The following STRN3 variants were observed in gnomAD, a reference collection of about 807,000 sequenced individuals.
STRN3 encodes striatin 3.
STRN3 carries 29 observed loss-of-function variants against 95.6 expected under a neutral mutation model. That is an observed-to-expected ratio of 0.30 (90% CI 0.23 to 0.41). The LOEUF is 0.41. STRN3 is among the 10% of genes least tolerant of loss of function. The pLI is 1.00. For missense variants in STRN3, 890 were observed against 972.1 expected (o/e 0.92, Z 1.12); for synonymous variants, 331 against 357.6 (o/e 0.93, Z 0.84).
chr14:30,898,486 A>G (rs1368814155), intron 16 of STRN3, among the ~76,000 whole-genome samples: 3 of 152,196 alleles, frequency 2.0e-5, no homozygotes, highest in Non-Finnish European at 2.9e-5. Flanking sequence ...TCTTAAGTCA[A>G]TTGAGAGTTA....
chr14:30,912,212 T>C (rs1401785192), intron 10 of STRN3, 30 bp from the exon 11 acceptor site: 3 of 1,597,374 alleles, frequency 1.9e-6, no homozygotes, highest in East Asian at 2.2e-5. Flanking sequence ...TATTTAGTGG[T>C]AAAAGTAGTA....
chr14:30,987,974 G>C (rs1485394789), intron 1 of STRN3, among the ~76,000 whole-genome samples: 9 of 152,124 alleles, frequency 5.9e-5, no homozygotes, highest in Non-Finnish European at 1.5e-5. Flanking sequence ...CTGACCTTGT[G>C]AATCGCCCGC....
chr14:30,964,050 G>C (rs948233687), intron 1 of STRN3, among the ~76,000 whole-genome samples: 2 of 152,080 alleles, frequency 1.3e-5, no homozygotes, highest in Admixed American at 1.3e-4. Context: ...TCAGGAGTTC[G>C]AGATCAACCT....
chr14:31,010,252 T>G (rs1882908349), intron 1 of STRN3, among the ~76,000 whole-genome samples: 1 of 152,156 alleles, frequency 6.6e-6, no homozygotes, highest in Non-Finnish European at 1.5e-5. Context: ...TATTATACTT[T>G]AAGTTTTAAG....
intron 6 of STRN3, 101 bp from the exon 7 acceptor site, chr14:30,935,405 A>T: frequency 7.5e-7 from 1 of 1,326,802 alleles, no homozygotes; most frequent in African/African-American, 1.5e-5. Context: ...TTTTAAAATT[A>T]CTTGGATCAA....
Position 30,951,420 on chromosome 14 carries a change from T to C in STRN3, c.461-476A>G, listed in dbSNP as rs1879635265. The stretch of plus-strand genomic sequence containing the variant: ...AGCTAATTTTTGTATTTTGAAGAGA[T>C]GAGGTTTTGCCATATTGCCCAATCT... On this transcript the variant is annotated intron_variant, in intron 3 of 17. Transcript: ENST00000357479. Among the ~76,000 whole-genome samples, 6 of 152,156 alleles carry C rather than the reference T, an allele frequency of 3.9e-5. No individual in the cohort carries two copies. In the South Asian group the frequency reaches 1.2e-3, roughly 32 times the overall value.
At chr14:30,925,062 C>T (rs980181676) in intron 8 of STRN3, among the ~76,000 whole-genome samples, 2 of 152,100 alleles carry the variant, frequency 1.3e-5, no homozygotes, top group Non-Finnish European at 2.9e-5. Context: ...CTGCATCAAG[C>T]CTCTTTAGTT....
At chr14:31,011,182 T>C (rs1019814291) in intron 1 of STRN3, among the ~76,000 whole-genome samples, 1 of 152,192 alleles carries the variant, frequency 6.6e-6, no homozygotes, top group Non-Finnish European at 1.5e-5. Context: ...ACAAAGAGTA[T>C]TAATTTACTC....
chr14:30,955,540 A>G, intron 3 of STRN3, 80 bp downstream of exon 3: 1 of 1,252,192 alleles, frequency 8.0e-7, no homozygotes, highest in Non-Finnish European at 1.1e-6. Context: ...TTATCAAACC[A>G]AAATGCGGGT....
At chr14:30,948,013 G>GTC (rs1879450545) in intron 4 of STRN3, among the ~76,000 whole-genome samples, 1 of 152,064 alleles carries the variant, frequency 6.6e-6, no homozygotes, top group Admixed American at 6.6e-5. Flanking sequence ...AAGAGAAAAA[G>GTC]ACTAGATCAG....
chr14:30,967,242 GGGGGGGAAGAGAGGCAGAGAGA>G (rs1365347011), intron 1 of STRN3, among the ~76,000 whole-genome samples: 21 of 142,164 alleles, frequency 1.5e-4, no homozygotes, highest in African/African-American at 4.7e-4. Context: ...GGGGCAGGGT[GGGGGGGAAGAGAGGCAGAGAGA>G]GGGGGGAAGA....
chr14:30,936,081 T>C (rs1878803459), intron 6 of STRN3, among the ~76,000 whole-genome samples: 1 of 152,216 alleles, frequency 6.6e-6, no homozygotes, highest in Non-Finnish European at 1.5e-5. Flanking sequence ...TTTACTAAAA[T>C]ACAAGAATGT....
At chr14:30,984,811 G>A (rs1881599547) in intron 1 of STRN3, among the ~76,000 whole-genome samples, 1 of 151,816 alleles carries the variant, frequency 6.6e-6, no homozygotes, top group South Asian at 2.1e-4. Flanking sequence ...TAAAAAGTAT[G>A]GCAACTATAG....
intron 5 of STRN3, among the ~76,000 whole-genome samples, chr14:30,944,658 A>C: frequency 7.1e-6 from 1 of 140,674 alleles, no homozygotes; most frequent in Non-Finnish European, 1.5e-5. Context: ...TCGCTGTGTC[A>C]CCCAGGCCGG....
chr14:30,915,695 G>A (rs181956252), intron 9 of STRN3, among the ~76,000 whole-genome samples: 2 of 152,256 alleles, frequency 1.3e-5, no homozygotes, highest in East Asian at 3.9e-4. Context: ...TTTAAGCTCA[G>A]GGAATTTGTT....
At chr14:30,981,017 AG>A (rs1297473763) in intron 1 of STRN3, among the ~76,000 whole-genome samples, 1 of 152,110 alleles carries the variant, frequency 6.6e-6, no homozygotes, top group Non-Finnish European at 1.5e-5. Flanking sequence ...CAAAAACAGT[AG>A]GTTTTCTGTC....
chr14:30,989,959 AG>A (rs1285637102), intron 1 of STRN3, among the ~76,000 whole-genome samples: 2 of 151,648 alleles, frequency 1.3e-5, no homozygotes, highest in African/African-American at 4.9e-5. Flanking sequence ...AAAAAATGGA[AG>A]GCTCAGATAC....
intron 1 of STRN3, among the ~76,000 whole-genome samples, chr14:30,968,935 AT>A (rs1880685820): frequency 6.6e-6 from 1 of 152,176 alleles, no homozygotes; most frequent in Non-Finnish European, 1.5e-5. Context: ...TTTTACCTAC[AT>A]TAAAAGGTTA....
chr14:30,996,821 G>A (rs929078650), intron 1 of STRN3, among the ~76,000 whole-genome samples: 16 of 144,330 alleles, frequency 1.1e-4, no homozygotes, highest in South Asian at 4.2e-4. Context: ...AGCCGAGATC[G>A]TGCCACTGCA....
Sources: gnomAD v4.1 joint callset for allele counts (sites outside exome capture counted in the v4.1 genomes callset) on GRCh38, gnomAD v4.1.1 for gene constraint, MANE v1.5 for transcripts, NCBI Gene and HGNC (gene_info 2026-07-23, HGNC 2026-07-21) for gene names.